FMNL3: variants seen among roughly 807,000 people sequenced by gnomAD.
FMNL3 encodes the protein formin-like protein 3.
A neutral mutation model predicts 119.6 loss-of-function variants in FMNL3; 57 were observed. The observed-to-expected ratio is 0.48, with a 90% CI of 0.39 to 0.59. FMNL3 has a LOEUF of 0.59. FMNL3 is among the 20% of genes least tolerant of loss of function. The pLI, the probability that FMNL3 is intolerant of heterozygous loss-of-function variation, is 0.00. For synonymous variants in FMNL3, 491 were observed against 507.3 expected (o/e 0.97, Z 0.43); for missense variants, 1,053 against 1,323.5 (o/e 0.80, Z 3.17).
chr12:49,671,024 T>C (rs964123844), intron 1 of FMNL3, among the ~76,000 whole-genome samples: 1 of 152,140 alleles, frequency 6.6e-6, no homozygotes, highest in Non-Finnish European at 1.5e-5. Flanking sequence ...ATGAAAATAG[T>C]TTTCTGTTGT....
intron 1 of FMNL3, among the ~76,000 whole-genome samples, chr12:49,703,444 G>A (rs1332580391): frequency 6.6e-6 from 1 of 152,156 alleles, no homozygotes. Flanking sequence ...AATGGGAAGT[G>A]CTACTCAGAT....
Position 49,668,792 on chromosome 12 carries a change from A to C in FMNL3, c.127-238T>G, listed in dbSNP as rs560207238. On this transcript the variant is annotated intron_variant, in intron 1 of 25. Coordinates refer to ENST00000335154, the MANE Select transcript of FMNL3 (RefSeq NM_175736.5). ...AATTTAATCAGTCAAAATTAACTCT[A>C]TTTTAAATGAAAACGAGCTGATTAA... 2.0e-5 allele frequency among the ~76,000 whole-genome samples: 3 copies of C among 152,332 alleles called. No homozygotes were observed. The South Asian group carries it at 6.2e-4, about 32-fold the overall frequency.
rs773386245 is a variant in FMNL3, at chr12:49,651,287, G to T, written c.1678C>A (p.Arg560=). 6.2e-7 allele frequency: 1 copy of T among 1,611,822 alleles called. No homozygotes were observed. The change falls in exon 16 of 26, where the codon CGA becomes AGA. Residue 560 remains arginine, a synonymous_variant. Transcript: ENST00000335154. ...TTGGTCTTGATAGGTTTCTTAATTCGAATGGCTAATTTGGAAGGAGGATCA... is the reference window on the plus strand; with the variant it reads ...TTGGTCTTGATAGGTTTCTTAATTCTAATGGCTAATTTGGAAGGAGGATCA... ...VVLTVGLSAI[R]IKKPIKTKFR...
chr12:49,637,699 C>CCCG lies in FMNL3; in HGVS notation c.*8115_*8116insCGG. ...CAGCCCCCAGGCCTTGGGAAGCTGC[C>CCCG]GCCCGCCAGGCCCCCCTCCCTCCCT... On this transcript the variant is annotated 3_prime_UTR_variant, in exon 26 of 26. Coordinates refer to ENST00000335154, the MANE Select transcript of FMNL3 (RefSeq NM_175736.5). The CCCG allele has an allele frequency of 1.3e-6, 2 of 1,506,422 alleles. No individual in the cohort carries two copies. The highest frequency in any genetic ancestry group is 1.8e-6 in the Non-Finnish European group (2 of 1,095,392). The allele number at this position is 1,506,422 out of a possible 1,614,324, so 93.3% of individuals were successfully genotyped here.
At chr12:49,664,989 A>G (rs947420059) in intron 4 of FMNL3, among the ~76,000 whole-genome samples, 2 of 137,908 alleles carry the variant, frequency 1.5e-5, no homozygotes, top group Non-Finnish European at 3.1e-5. Context: ...AGGCCCTCCC[A>G]TCAGGTCTAT....
At chr12:49,706,955 TG>T in intron 1 of FMNL3, 99 bp downstream of exon 1, 1 of 1,362,720 alleles carries the variant, frequency 7.3e-7, no homozygotes, top group Non-Finnish European at 9.9e-7. Context: ...GGACCCCGAC[TG>T]AAAGGGTGGG....
chr12:49,699,049 G>A (rs997448580), intron 1 of FMNL3, among the ~76,000 whole-genome samples: 2 of 152,158 alleles, frequency 1.3e-5, no homozygotes, highest in African/African-American at 2.4e-5. Context: ...TTTCCGAACC[G>A]CGATGAACCC....
At position 49,649,217 on chromosome 12, in the gene FMNL3, G is replaced by C. The variant is rs371605297; in HGVS notation, c.2385+42C>G. ...TAAGCACTCTGGCTCCACAACTGCT[G>C]CCCCCCAGGCTTCCTGGCCCACGCT... On this transcript the variant is annotated intron_variant, in intron 20 of 25. Coordinates refer to ENST00000335154, the MANE Select transcript of FMNL3 (RefSeq NM_175736.5). This position sits in a 1 kb window ranked among gnomAD's most constrained non-coding sequence, Gnocchi z 5.6. 6.2e-7 allele frequency: 1 copy of C among 1,613,350 alleles called. No homozygotes were observed. Among genetic ancestry groups the C allele is most frequent in the African/African-American group, 1.3e-5 (1 of 75,030 alleles).
At chr12:49,652,468 C>T (rs1464842971) in intron 13 of FMNL3, among the ~76,000 whole-genome samples, 1 of 152,154 alleles carries the variant, frequency 6.6e-6, no homozygotes, top group Non-Finnish European at 1.5e-5. Context: ...ACTGCATGGG[C>T]CCCTCAAAGC....
chr12:49,700,610 G>A (rs1343339210), intron 1 of FMNL3, among the ~76,000 whole-genome samples: 2 of 150,140 alleles, frequency 1.3e-5, no homozygotes, highest in Admixed American at 1.3e-4. Context: ...AGTTACTCAG[G>A]AGGTTGAGGC....
chr12:49,647,431 A>G lies in FMNL3; in HGVS notation c.2779-63T>C. On this transcript the variant is annotated intron_variant, in intron 23 of 25. Transcript: ENST00000335154. This position sits in a 1 kb window ranked among gnomAD's most constrained non-coding sequence, Gnocchi z 4.9. Reference sequence around the variant, plus strand: ...TCATAGGCTGTGAGGGGAGGGGCTGACACTGAGGTGGAGAGTGGGTGGCAG... The same window carrying G: ...TCATAGGCTGTGAGGGGAGGGGCTGGCACTGAGGTGGAGAGTGGGTGGCAG... The G allele has an allele frequency of 6.4e-7, 1 of 1,553,346 alleles. No individual in the cohort carries two copies. Among genetic ancestry groups the G allele is most frequent in the Non-Finnish European group, 8.8e-7 (1 of 1,134,558 alleles).
intron 13 of FMNL3, 106 bp from the exon 14 acceptor site, chr12:49,652,318 A>C: frequency 6.8e-7 from 1 of 1,464,044 alleles, no homozygotes. Context: ...GGTCTCTGTC[A>C]GGGTACTCAG....
At chr12:49,670,806 A>C (rs1160746570) in intron 1 of FMNL3, among the ~76,000 whole-genome samples, 1 of 152,210 alleles carries the variant, frequency 6.6e-6, no homozygotes, top group Non-Finnish European at 1.5e-5. Flanking sequence ...ACCCGTGTGG[A>C]CAGCAGGACA....
At chr12:49,699,233 G>C (rs1321512889) in intron 1 of FMNL3, among the ~76,000 whole-genome samples, 2 of 152,100 alleles carry the variant, frequency 1.3e-5, no homozygotes, top group Admixed American at 1.3e-4. Context: ...CTGTCCCATG[G>C]GCTTACTACA....
At chr12:49,688,912 TTAA>T (rs1944535076) in intron 1 of FMNL3, among the ~76,000 whole-genome samples, 1 of 152,200 alleles carries the variant, frequency 6.6e-6, no homozygotes, top group Admixed American at 6.5e-5. Flanking sequence ...CAAGGCATTG[TTAA>T]TAATAAAAAT....
intron 1 of FMNL3, among the ~76,000 whole-genome samples, chr12:49,670,035 G>A (rs544918618): frequency 2.0e-5 from 3 of 152,292 alleles, no homozygotes; most frequent in East Asian, 3.9e-4. Flanking sequence ...TAAGCATAGT[G>A]CCAGCCACCT....
intron 2 of FMNL3, among the ~76,000 whole-genome samples, chr12:49,667,891 G>A (rs1026081403): frequency 2.0e-5 from 3 of 152,134 alleles, no homozygotes; most frequent in Non-Finnish European, 4.4e-5. Context: ...TCACAGACTC[G>A]TGACTCATGA....
At chr12:49,654,081 G>A (rs745758132) in intron 11 of FMNL3, 111 bp downstream of exon 11, 43 of 1,194,050 alleles carry the variant, frequency 3.6e-5, no homozygotes, top group Non-Finnish European at 4.8e-5. Flanking sequence ...CAGAAGACAG[G>A]CAGGGTCCCA....
chr12:49,637,894 GA>G lies in FMNL3; in HGVS notation c.*7920del, dbSNP rs1178915369. ...GCACACTCCCTGCAGAGGACTCCCT[GA>G]TAAGTCCTGTTTTGCAGAAGCATTA... On this transcript the variant is annotated 3_prime_UTR_variant, in exon 26 of 26. Transcript: ENST00000335154. The G allele has an allele frequency of 2.4e-4, 306 of 1,287,882 alleles. 1 individual carries two copies. The highest frequency in any genetic ancestry group is 5.5e-5 in the Admixed American group (3 of 54,588). 79.8% of individuals were successfully genotyped at this position (1,287,882 alleles called of 1,614,324 possible).
Sources: allele counts gnomAD v4.1 joint callset (sites outside exome capture counted in the v4.1 genomes callset), GRCh38; gene constraint gnomAD v4.1.1; non-coding constraint Gnocchi (gnomAD v3.1); transcripts MANE v1.5; gene names NCBI Gene and HGNC (gene_info 2026-07-23, HGNC 2026-07-21).